AVEN: variants seen among roughly 807,000 people sequenced by gnomAD.
AVEN encodes apoptosis and caspase activation inhibitor.
In AVEN, 41 loss-of-function variants were observed where a neutral mutation model predicts 38.1. The observed-to-expected ratio is 1.08, with a 90% confidence interval of 0.84 to 1.40. The LOEUF is 1.40. Among genes scored for constraint, AVEN ranks in the 40% most tolerant of loss-of-function variants. The probability of loss-of-function intolerance (pLI) is 0.00; values close to 1 mark genes in which losing one functional copy is unlikely to be tolerated. For missense variants in AVEN, 605 were observed against 438.8 expected (o/e 1.38, Z -3.38); for synonymous variants, 206 against 171.8 (o/e 1.20, Z -1.56).
chr15:34,033,882 A>G (rs1354174158), intron 1 of AVEN, among the ~76,000 whole-genome samples: 1 of 152,074 alleles, frequency 6.6e-6, no homozygotes, highest in African/African-American at 2.4e-5. Flanking sequence ...CCGCCTCCCA[A>G]GTTTAAGCGA....
intron 3 of AVEN, 49 bp from the exon 4 acceptor site, chr15:33,871,079 C>T (rs940579128): frequency 1.1e-5 from 13 of 1,192,920 alleles, no homozygotes; most frequent in Non-Finnish European, 1.3e-5. Context: ...TGATTATGAC[C>T]TTTTGGAAAT....
chr15:33,979,717 A>G (rs1351487156), intron 2 of AVEN, among the ~76,000 whole-genome samples: 2 of 152,234 alleles, frequency 1.3e-5, no homozygotes, highest in Non-Finnish European at 2.9e-5. Flanking sequence ...AATGGTTCAT[A>G]ACATGTCAGC....
At chr15:33,956,585 A>G (rs1414806870) in intron 2 of AVEN, among the ~76,000 whole-genome samples, 1 of 152,058 alleles carries the variant, frequency 6.6e-6, no homozygotes, top group Non-Finnish European at 1.5e-5. Flanking sequence ...TCACCATCCT[A>G]TCTCCCCTGC....
At position 33,860,463 on chromosome 15, in the gene AVEN, GTAT is replaced by G. The variant is rs1887768117; in HGVS notation, n.2730-1372_2730-1370del. On this transcript the variant is annotated intron_variant and non_coding_transcript_variant, in intron 11 of 11. Transcript: ENST00000675287. The stretch of plus-strand genomic sequence containing the variant: ...CAGGATGTAACACAAAGAAACACGA[GTAT>G]TATTTTTCTAATTTTGCTTTGATAA... The G allele has an allele frequency of 1.8e-5, 10 of 551,356 alleles. No homozygotes were observed. In the South Asian group the frequency reaches 3.2e-4, roughly 18 times the overall value. 34.2% of individuals were successfully genotyped at this position (551,356 alleles called of 1,614,324 possible).
chr15:34,070,905 T>C (rs565203628), intron 1 of AVEN, among the ~76,000 whole-genome samples: 1 of 152,322 alleles, frequency 6.6e-6, no homozygotes, highest in East Asian at 1.9e-4. Flanking sequence ...AAACCTTAAA[T>C]TTCTCTGTGA....
chr15:33,948,166 C>T (rs905561233), intron 2 of AVEN, among the ~76,000 whole-genome samples: 3 of 148,716 alleles, frequency 2.0e-5, no homozygotes, highest in Non-Finnish European at 3.0e-5. Flanking sequence ...GGCATGATCT[C>T]GGCTCACTGC....
At chr15:33,853,098 T>G in the AVEN span, 1 of 1,584,202 alleles carries the variant, frequency 6.3e-7, no homozygotes, top group Non-Finnish European at 8.6e-7. Flanking sequence ...GTATGCCTTG[T>G]TAGTGGGGGT....
chr15:33,955,573 T>C (rs575719271), intron 2 of AVEN, among the ~76,000 whole-genome samples: 17 of 152,314 alleles, frequency 1.1e-4, no homozygotes, highest in Non-Finnish European at 2.1e-4. Context: ...AGTTTCATTT[T>C]AAAGAGTATT....
At chr15:33,865,526 G>GT (rs1216401519), downstream of AVEN, 2 of 319,506 alleles carry the variant, frequency 6.3e-6, no homozygotes, top group Non-Finnish European at 1.2e-5. Flanking sequence ...TTGTTGGGAT[G>GT]GAAGCATGAA....
At position 34,035,034 on chromosome 15, in the gene AVEN, T is replaced by C. The variant is rs548042798; in HGVS notation, c.267+3746A>G. 1.4e-4 allele frequency among the ~76,000 whole-genome samples: 21 copies of C among 152,354 alleles called. No individual in the cohort carries two copies. The South Asian group carries it at 4.4e-3, about 32-fold the overall frequency. ...CTTAGACACCTGCCTGTAACTGATC[T>C]GACACCATTTCTTCCCTCCAGGTTC... is the stretch of plus-strand genomic sequence containing the variant. On this transcript the variant is annotated intron_variant, in intron 1 of 5. Transcript: ENST00000306730.
chr15:33,991,406 T>C (rs554283688), intron 2 of AVEN: 5 of 152,090 alleles, frequency 3.3e-5, no homozygotes, highest in Admixed American at 6.6e-5. Context: ...GGATACCCAA[T>C]TTTCCATGAT....
At chr15:33,853,884 A>G (rs1278419113), downstream of AVEN, among the ~76,000 whole-genome samples, 4 of 152,156 alleles carry the variant, frequency 2.6e-5, no homozygotes, top group African/African-American at 9.7e-5. Context: ...GAGCTGAAAG[A>G]TAAAGACTTA....
downstream of AVEN, chr15:33,864,966 C>T (rs372450774): frequency 2.9e-5 from 16 of 560,370 alleles, no homozygotes; most frequent in African/African-American, 1.3e-4. Context: ...CTTCTTGCTT[C>T]CCAAACAGCC....
At chr15:33,872,056 AG>A (rs1890987234) in intron 3 of AVEN, among the ~76,000 whole-genome samples, 2 of 152,216 alleles carry the variant, frequency 1.3e-5, no homozygotes, top group Admixed American at 1.3e-4. Context: ...GTTGAAGTAG[AG>A]GGCCTGGCCT....
At chr15:34,070,971 C>T (rs2140856927) in intron 1 of AVEN, among the ~76,000 whole-genome samples, 1 of 152,256 alleles carries the variant, frequency 6.6e-6, no homozygotes. Flanking sequence ...GCTTGACTAC[C>T]ACCCTGTGTT....
chr15:34,055,226 C>G (rs1012752852), intron 5 of AVEN, among the ~76,000 whole-genome samples: 1 of 151,318 alleles, frequency 6.6e-6, no homozygotes, highest in Non-Finnish European at 1.5e-5. Context: ...AGGCCAGGCC[C>G]GGTAGCTCGC....
intron 2 of AVEN, among the ~76,000 whole-genome samples, chr15:33,888,818 T>C (rs552004775): frequency 6.6e-6 from 1 of 152,284 alleles, no homozygotes; most frequent in African/African-American, 2.4e-5. Flanking sequence ...TGGCGCGATC[T>C]TGGCTCACTA....
At chr15:33,884,153 G>A (rs1891603489) in intron 2 of AVEN, among the ~76,000 whole-genome samples, 1 of 152,118 alleles carries the variant, frequency 6.6e-6, no homozygotes, top group African/African-American at 2.4e-5. Context: ...CATGCCCAGA[G>A]AGCATTTACA....
At chr15:34,073,654 G>A (rs2140859534) in intron 1 of AVEN, among the ~76,000 whole-genome samples, 1 of 151,704 alleles carries the variant, frequency 6.6e-6, no homozygotes, top group Middle Eastern at 3.4e-3. Flanking sequence ...CCGAGTAGCT[G>A]GGATAACAGG....
Sources: gnomAD v4.1 joint callset for allele counts (sites outside exome capture counted in the v4.1 genomes callset) on GRCh38, gnomAD v4.1.1 for gene constraint, MANE v1.5 for transcripts, NCBI Gene and HGNC (gene_info 2026-07-23, HGNC 2026-07-21) for gene names.